The following GALNT13 variants were observed in gnomAD, a reference collection of about 807,000 sequenced individuals.
The protein encoded by GALNT13 is polypeptide N-acetylgalactosaminyltransferase 13, also known as UDP-GalNAc:polypeptide N-acetylgalactosaminyltransferase 13.
A neutral mutation model predicts 64.2 loss-of-function variants in GALNT13; 28 were observed. The observed-to-expected ratio is 0.44, with a 90% CI of 0.32 to 0.60. The LOEUF is 0.60. Ranked by LOEUF, GALNT13 falls within the 20% of genes least tolerant of loss-of-function variation. The probability of loss-of-function intolerance (pLI) is 0.05; values close to 1 mark genes in which losing one functional copy is unlikely to be tolerated. For missense variants in GALNT13, 577 were observed against 669.8 expected, an observed-to-expected ratio of 0.86 and a Z score of 1.53; for synonymous variants, 214 against 224.6, an observed-to-expected ratio of 0.95 and a Z score of 0.42.
At chr2:154,334,504 A>C (rs1282562067) in intron 9 of GALNT13, among the ~76,000 whole-genome samples, 1 of 152,060 alleles carries the variant, frequency 6.6e-6, no homozygotes, top group Non-Finnish European at 1.5e-5. Flanking sequence ...GTGGGTTTTT[A>C]GTTCTGATCA....
the GALNT13 span, among the ~76,000 whole-genome samples, chr2:153,603,543 A>G: frequency 6.6e-6 from 1 of 151,986 alleles, no homozygotes; most frequent in Non-Finnish European, 1.5e-5. Flanking sequence ...ATGGGACCAT[A>G]GTATTATCTA....
chr2:153,442,922 G>T, the GALNT13 span, among the ~76,000 whole-genome samples: 1 of 152,172 alleles, frequency 6.6e-6, no homozygotes, highest in Admixed American at 6.5e-5. Flanking sequence ...GTCCCTGGTT[G>T]ACTTCAGACT....
At chr2:153,891,898 T>C (rs183275058) in intron 1 of GALNT13, among the ~76,000 whole-genome samples, 3 of 152,158 alleles carry the variant, frequency 2.0e-5, no homozygotes, top group Admixed American at 2.0e-4. Context: ...TTCGCTGAAT[T>C]GATTCTCTGT....
At chr2:153,178,557 G>A in the GALNT13 span, among the ~76,000 whole-genome samples, 2 of 151,904 alleles carry the variant, frequency 1.3e-5, no homozygotes, top group Admixed American at 6.6e-5. Flanking sequence ...ATCAGATATT[G>A]TTTTCTTTCT....
the GALNT13 span, among the ~76,000 whole-genome samples, chr2:153,688,956 G>A: frequency 3.3e-5 from 5 of 150,748 alleles, no homozygotes; most frequent in South Asian, 2.1e-4. Context: ...CGTATATACC[G>A]AAAGTGCAAC....
rs59409947 is a variant in GALNT13, at chr2:153,931,066, A to AGTGTGTGTGTGTGTGT, written c.-104-13305_-104-13290dup. ...GGGTAGCTGTATTGCTGTATTCCTAAGTGTGTGTGTGTGTGTGTGTGTGTG... is the reference window on the plus strand; with the variant it reads ...GGGTAGCTGTATTGCTGTATTCCTAAGTGTGTGTGTGTGTGTGTGTGTGTGTGTGTGTGTGTGTGTG... On this transcript the variant is annotated intron_variant, in intron 2 of 12. Coordinates refer to ENST00000392825, the MANE Select transcript of GALNT13 (RefSeq NM_052917.4). Among the ~76,000 whole-genome samples, 6 of 138,174 alleles carry AGTGTGTGTGTGTGTGT rather than the reference A, an allele frequency of 4.3e-5. No individual in the cohort carries two copies. In the East Asian group the frequency reaches 6.7e-4, roughly 15 times the overall value. The allele number at this position is 138,174 out of a possible 152,430, so 90.6% of individuals were successfully genotyped here.
chr2:154,109,673 T>G (rs538052221), intron 3 of GALNT13, among the ~76,000 whole-genome samples: 1 of 152,262 alleles, frequency 6.6e-6, no homozygotes, highest in East Asian at 1.9e-4. Flanking sequence ...TTTAGTGAGG[T>G]TTTGGTGATG....
chr2:154,231,152 C>A (rs901075002), intron 4 of GALNT13, among the ~76,000 whole-genome samples: 1 of 152,026 alleles, frequency 6.6e-6, no homozygotes, highest in Admixed American at 6.6e-5. Flanking sequence ...GTTTTCCCTA[C>A]CTTAAGCCCC....
At chr2:153,842,696 T>C in the GALNT13 span, among the ~76,000 whole-genome samples, 1 of 148,926 alleles carries the variant, frequency 6.7e-6, no homozygotes, top group African/African-American at 2.5e-5. Flanking sequence ...TAAAGCATGC[T>C]GACAATGGGG....
the GALNT13 span, among the ~76,000 whole-genome samples, chr2:153,406,398 A>T: frequency 1.3e-5 from 2 of 151,950 alleles, no homozygotes; most frequent in African/African-American, 2.4e-5. Flanking sequence ...ATTTGTTTAA[A>T]TTCTCTATTT....
At chr2:153,253,903 C>A in the GALNT13 span, among the ~76,000 whole-genome samples, 1 of 152,162 alleles carries the variant, frequency 6.6e-6, no homozygotes, top group African/African-American at 2.4e-5. Flanking sequence ...CATCAATGTT[C>A]ATCAAGGATA....
intron 3 of GALNT13, among the ~76,000 whole-genome samples, chr2:153,990,099 T>G (rs1695063880): frequency 6.6e-6 from 1 of 152,108 alleles, no homozygotes; most frequent in South Asian, 2.1e-4. Context: ...ATAGTATTAG[T>G]ATTCTTTCAT....
At chr2:153,218,660 A>G in the GALNT13 span, among the ~76,000 whole-genome samples, 1 of 152,138 alleles carries the variant, frequency 6.6e-6, no homozygotes, top group African/African-American at 2.4e-5. Context: ...TTCGATTTGG[A>G]GCACTTGGTG....
chr2:154,155,888 A>G (rs1684386852), intron 4 of GALNT13, among the ~76,000 whole-genome samples: 1 of 150,780 alleles, frequency 6.6e-6, no homozygotes, highest in Non-Finnish European at 1.5e-5. Flanking sequence ...TAAATGGAGC[A>G]TATTAATGGT....
chr2:153,488,959 T>A, the GALNT13 span, among the ~76,000 whole-genome samples: 2 of 152,194 alleles, frequency 1.3e-5, no homozygotes, highest in African/African-American at 4.8e-5. Flanking sequence ...TGATCTTGGA[T>A]TTCCTGGCCT....
the GALNT13 span, among the ~76,000 whole-genome samples, chr2:153,346,139 G>A: frequency 6.6e-6 from 1 of 151,978 alleles, no homozygotes; most frequent in Non-Finnish European, 1.5e-5. Context: ...TGCCCAGCTT[G>A]GTCTTGAACT....
chr2:154,405,401 C>T (rs1699484607), intron 10 of GALNT13, among the ~76,000 whole-genome samples: 1 of 151,518 alleles, frequency 6.6e-6, no homozygotes, highest in Non-Finnish European at 1.5e-5. Flanking sequence ...AGCAACAAGA[C>T]CAAAAATATT....
the GALNT13 span, among the ~76,000 whole-genome samples, chr2:153,309,446 A>C: frequency 6.6e-6 from 1 of 152,160 alleles, no homozygotes; most frequent in African/African-American, 2.4e-5. Flanking sequence ...TGCTCCTTTT[A>C]GAGCTCAAAT....
the GALNT13 span, among the ~76,000 whole-genome samples, chr2:153,498,676 A>G: frequency 2.0e-5 from 3 of 152,214 alleles, no homozygotes; most frequent in African/African-American, 7.2e-5. Flanking sequence ...GCAGAGCTCC[A>G]AAGAGGTTGT....
Sources: allele counts gnomAD v4.1 joint callset (sites outside exome capture counted in the v4.1 genomes callset), GRCh38; gene constraint gnomAD v4.1.1; transcripts MANE v1.5; gene names NCBI Gene and HGNC (gene_info 2026-07-23, HGNC 2026-07-21).